AMMECR1: variants seen among roughly 807,000 people sequenced by gnomAD.
AMMECR1 encodes AMMECR nuclear protein 1, also known as nuclear protein AMMECR1.
In AMMECR1, 3 loss-of-function variants were observed where a neutral mutation model predicts 22.5. That is an observed-to-expected ratio of 0.13 (90% confidence interval 0.06 to 0.35). AMMECR1 has a LOEUF of 0.35. AMMECR1 is among the 10% of genes least tolerant of loss of function. The probability of loss-of-function intolerance (pLI) is 1.00; values close to 1 mark genes in which losing one functional copy is unlikely to be tolerated. For missense variants in AMMECR1, 235 were observed against 278.7 expected, an observed-to-expected ratio of 0.84 and a Z score of 1.12; for synonymous variants, 130 against 116.7, an observed-to-expected ratio of 1.11 and a Z score of -0.74.
chrX:110,309,745 A>T (rs2068015269), intron 1 of AMMECR1, among the ~76,000 whole-genome samples: 1 of 112,396 alleles, frequency 8.9e-6, no homozygotes, highest in Admixed American at 9.4e-5. Context: ...GCCACAAAAC[A>T]GATCCAGCTT....
intron 2 of AMMECR1, among the ~76,000 whole-genome samples, chrX:110,340,880 G>C (rs753116042): frequency 8.9e-6 from 1 of 112,356 alleles, no homozygotes; most frequent in South Asian, 3.7e-4. Context: ...ATATCCATAA[G>C]GCTCCAAGAT....
chrX:110,237,313 G>A (rs771495728), intron 2 of AMMECR1, among the ~76,000 whole-genome samples: 3 of 110,307 alleles, frequency 2.7e-5, no homozygotes, highest in African/African-American at 9.9e-5. Flanking sequence ...AAAAAATCCA[G>A]TGGCCACTCT....
rs200381205 is a variant in AMMECR1, at chrX:110,354,921, GACA to G, written c.-147-37075_-147-37073del. ...GAAAAAGATCCACAGCATTGGTCTG[GACA>G]ATGATTTCTTGGCAACAAGAAAAAG... On this transcript the variant is annotated intron_variant, in intron 2 of 7. Transcript: ENST00000372057. Among the ~76,000 whole-genome samples, 314 of 112,058 alleles carry G rather than the reference GACA, an allele frequency of 2.8e-3. 6 individuals are homozygous for G. The East Asian group carries it at 0.057, about 21-fold the overall frequency.
At chrX:110,203,779 T>G (rs2067408470) in intron 3 of AMMECR1, among the ~76,000 whole-genome samples, 1 of 111,642 alleles carries the variant, frequency 9.0e-6, no homozygotes, top group African/African-American at 3.3e-5. Flanking sequence ...GTCTCAAATT[T>G]TCCAATTTTT....
At chrX:110,298,692 A>G (rs932454073) in intron 1 of AMMECR1, among the ~76,000 whole-genome samples, 2 of 111,818 alleles carry the variant, frequency 1.8e-5, no homozygotes, top group African/African-American at 6.5e-5. Context: ...AAAACACTGT[A>G]AGAGTGATTA....
At position 110,431,756 on chromosome X, in the gene AMMECR1, G is replaced by T. The variant is rs185858812; in HGVS notation, c.-293-4953C>A. Among the ~76,000 whole-genome samples the T allele has an allele frequency of 3.1e-3, 343 of 111,858 alleles. 1 individual carries two copies. Among genetic ancestry groups the T allele is most frequent in the Non-Finnish European group, 4.2e-3 (221 of 53,146 alleles). On this transcript the variant is annotated intron_variant, in intron 1 of 7. Coordinates refer to the AMMECR1 transcript ENST00000372057. Reference sequence around the variant, plus strand: ...TTTCTCATACGCCCTTGACAGACCAGGACTCACTGCTAGAAAACCCCTGGG... The same window carrying T: ...TTTCTCATACGCCCTTGACAGACCATGACTCACTGCTAGAAAACCCCTGGG...
intron 2 of AMMECR1, among the ~76,000 whole-genome samples, chrX:110,415,530 A>G (rs1243160778): frequency 9.0e-6 from 1 of 111,507 alleles, no homozygotes; most frequent in East Asian, 2.8e-4. Flanking sequence ...GGAATCGACA[A>G]CCAATATGTA....
chrX:110,272,175 C>T (rs974871773), intron 1 of AMMECR1, among the ~76,000 whole-genome samples: 1 of 110,328 alleles, frequency 9.1e-6, no homozygotes, highest in African/African-American at 3.3e-5. Flanking sequence ...AAGATCGGGC[C>T]ACTGCACTCC....
chrX:110,438,402 C>G (rs1300196403), intron 1 of AMMECR1, among the ~76,000 whole-genome samples: 2 of 111,863 alleles, frequency 1.8e-5, no homozygotes, highest in African/African-American at 6.5e-5. Context: ...CAAGACAGGA[C>G]TTGGATTATT....
chrX:110,353,388 T>C (rs1423507169), intron 2 of AMMECR1, among the ~76,000 whole-genome samples: 1 of 108,707 alleles, frequency 9.2e-6, no homozygotes, highest in Non-Finnish European at 1.9e-5. Context: ...TTCTAGTTCC[T>C]TGAGGTGTAA....
upstream of AMMECR1, among the ~76,000 whole-genome samples, chrX:110,322,117 C>T (rs1375381632): frequency 8.9e-6 from 1 of 112,491 alleles, no homozygotes; most frequent in Admixed American, 9.4e-5. Context: ...GTTTCATTTA[C>T]ATCTTCTATT....
chrX:110,428,750 A>G (rs1345536106), intron 1 of AMMECR1, among the ~76,000 whole-genome samples: 2 of 111,522 alleles, frequency 1.8e-5, no homozygotes, highest in East Asian at 5.6e-4. Context: ...TGCCTTCCCA[A>G]CCATACCTCC....
At chrX:110,232,209 A>G (rs779380645) in intron 2 of AMMECR1, among the ~76,000 whole-genome samples, 2 of 112,119 alleles carry the variant, frequency 1.8e-5, no homozygotes, top group East Asian at 5.6e-4. Flanking sequence ...TCAACAGAAT[A>G]TACATTCTTC....
intron 2 of AMMECR1, among the ~76,000 whole-genome samples, chrX:110,350,706 C>T (rs2068207864): frequency 9.0e-6 from 1 of 111,417 alleles, no homozygotes; most frequent in African/African-American, 3.3e-5. Context: ...GGGGCTCATG[C>T]CTGTAATCTC....
chrX:110,412,853 G>A (rs1402899854), intron 2 of AMMECR1, among the ~76,000 whole-genome samples: 2 of 112,379 alleles, frequency 1.8e-5, no homozygotes, highest in Admixed American at 1.9e-4. Flanking sequence ...AGACTGGAAG[G>A]ATAGACAGAC....
intron 1 of AMMECR1, among the ~76,000 whole-genome samples, chrX:110,272,531 G>T (rs1602848633): frequency 8.9e-6 from 1 of 111,802 alleles, no homozygotes; most frequent in East Asian, 2.8e-4. Context: ...TTTCTTTTAG[G>T]TTTAGGGTTT....
intron 2 of AMMECR1, among the ~76,000 whole-genome samples, chrX:110,328,150 G>C (rs994358421): frequency 8.9e-5 from 10 of 112,244 alleles, no homozygotes; most frequent in African/African-American, 3.2e-4. Flanking sequence ...ACAAGGCCTA[G>C]TGATTACTTT....
intron 2 of AMMECR1, among the ~76,000 whole-genome samples, chrX:110,396,802 G>T (rs151051089): frequency 0.041 from 4,620 of 111,799 alleles, 134 homozygotes; most frequent in African/African-American, 0.096. Context: ...TTAAATGAAG[G>T]GACTCGTGTC....
chrX:110,273,940 T>C (rs1461103031), intron 1 of AMMECR1, among the ~76,000 whole-genome samples: 1 of 112,323 alleles, frequency 8.9e-6, no homozygotes, highest in Non-Finnish European at 1.9e-5. Context: ...TTGGTCTTTT[T>C]GCTTTAGGAT....
Sources: gnomAD v4.1 joint callset for allele counts (sites outside exome capture counted in the v4.1 genomes callset) on GRCh38, gnomAD v4.1.1 for gene constraint, MANE v1.5 for transcripts, NCBI Gene and HGNC (gene_info 2026-07-23, HGNC 2026-07-21) for gene names.